Variants in NCKAP5 observed in about 807,000 individuals in gnomAD.
NCKAP5 encodes NCK associated protein 5, also known as nck-associated protein 5.
NCKAP5 carries 92 observed loss-of-function variants against 167.0 expected under a neutral mutation model. That is an observed-to-expected ratio of 0.55 (90% confidence interval 0.47 to 0.66). The LOEUF is 0.66. NCKAP5 is among the 30% of genes least tolerant of loss of function. The probability of loss-of-function intolerance (pLI) is 0.00; values close to 1 mark genes in which losing one functional copy is unlikely to be tolerated. For missense variants in NCKAP5, 2,378 were observed against 2,315.0 expected (o/e 1.03, Z -0.56); for synonymous variants, 891 against 877.4 (o/e 1.02, Z -0.27).
At chr2:133,174,395 T>G (rs1425323806) in intron 5 of NCKAP5, among the ~76,000 whole-genome samples, 5 of 152,172 alleles carry the variant, frequency 3.3e-5, no homozygotes. Flanking sequence ...AAGTTACTAT[T>G]TTCTCCTTGT....
At chr2:132,929,915 C>T (rs1249650274) in intron 8 of NCKAP5, 2 of 152,110 alleles carry the variant, frequency 1.3e-5, no homozygotes, top group South Asian at 2.1e-4. Context: ...TTCAGAGATA[C>T]GAGTCGTGGG....
At chr2:133,025,548 G>A (rs1216166950) in intron 6 of NCKAP5, among the ~76,000 whole-genome samples, 1 of 152,170 alleles carries the variant, frequency 6.6e-6, no homozygotes, top group African/African-American at 2.4e-5. Flanking sequence ...GGTGCTGTGG[G>A]TAGAAGTGAG....
At chr2:132,757,260 G>A (rs377394575) in intron 16 of NCKAP5, among the ~76,000 whole-genome samples, 3 of 152,216 alleles carry the variant, frequency 2.0e-5, no homozygotes, top group African/African-American at 4.8e-5. Flanking sequence ...ACATTCTATC[G>A]ATGGGCTGAT....
At chr2:133,241,496 G>T (rs2150299578) in intron 4 of NCKAP5, among the ~76,000 whole-genome samples, 1 of 152,264 alleles carries the variant, frequency 6.6e-6, no homozygotes, top group African/African-American at 2.4e-5. Flanking sequence ...CTAGTACTTA[G>T]CAATGAATGC....
At chr2:133,605,461 T>C in the NCKAP5 span, among the ~76,000 whole-genome samples, 65,236 of 151,880 alleles carry the variant, frequency 0.43, 14,241 homozygotes, top group East Asian at 0.63. Context: ...CTAAAGGGGA[T>C]GAAGACCCGG....
intron 3 of NCKAP5, among the ~76,000 whole-genome samples, chr2:133,435,208 G>C (rs1040852890): frequency 2.0e-5 from 3 of 152,132 alleles, no homozygotes; most frequent in African/African-American, 4.8e-5. Flanking sequence ...TCTAATGACA[G>C]ATTCACTCAT....
At chr2:133,422,977 C>A (rs1561018) in intron 3 of NCKAP5, among the ~76,000 whole-genome samples, 2 of 151,862 alleles carry the variant, frequency 1.3e-5, no homozygotes, top group South Asian at 2.1e-4. Context: ...AAGAGGCTGC[C>A]ACGGAAAGTC....
intron 3 of NCKAP5, among the ~76,000 whole-genome samples, chr2:133,429,952 G>C (rs1057255351): frequency 6.6e-6 from 1 of 152,028 alleles, no homozygotes; most frequent in African/African-American, 2.4e-5. Flanking sequence ...GTGTATAAGT[G>C]TTCCCTTTTT....
chr2:133,077,050 G>A (rs1371004793), intron 6 of NCKAP5, among the ~76,000 whole-genome samples: 1 of 152,066 alleles, frequency 6.6e-6, no homozygotes, highest in Non-Finnish European at 1.5e-5. Context: ...CCACAAATCT[G>A]GTACTAACTT....
chr2:133,050,229 C>T (rs2079554237), intron 6 of NCKAP5, among the ~76,000 whole-genome samples: 1 of 152,106 alleles, frequency 6.6e-6, no homozygotes, highest in African/African-American at 2.4e-5. Flanking sequence ...TTGGCATAGT[C>T]TTAGTTACAA....
At chr2:133,246,308 A>C (rs1287827104) in intron 4 of NCKAP5, among the ~76,000 whole-genome samples, 1 of 152,218 alleles carries the variant, frequency 6.6e-6, no homozygotes, top group Non-Finnish European at 1.5e-5. Context: ...GACATGAAAA[A>C]AAGCTTGTTA....
At chr2:132,975,354 C>A (rs1391821126) in intron 7 of NCKAP5, among the ~76,000 whole-genome samples, 1 of 152,208 alleles carries the variant, frequency 6.6e-6, no homozygotes, top group East Asian at 1.9e-4. Context: ...ACTGACATAT[C>A]AATCCACATC....
the NCKAP5 span, among the ~76,000 whole-genome samples, chr2:133,671,433 G>A: frequency 6.6e-6 from 1 of 152,066 alleles, no homozygotes; most frequent in Non-Finnish European, 1.5e-5. Flanking sequence ...TGAAGGTTCT[G>A]CCCTCATAAA....
chr2:133,369,499 T>G (rs1426701733), intron 3 of NCKAP5, among the ~76,000 whole-genome samples: 1 of 152,234 alleles, frequency 6.6e-6, no homozygotes, highest in Non-Finnish European at 1.5e-5. Flanking sequence ...AAGTTATAAC[T>G]GTTTAGCCAT....
the NCKAP5 span, among the ~76,000 whole-genome samples, chr2:133,617,012 A>C: frequency 3.3e-5 from 5 of 152,226 alleles, no homozygotes; most frequent in Non-Finnish European, 5.9e-5. Flanking sequence ...GGAAATCAAT[A>C]AATGTAATCC....
intron 19 of NCKAP5, among the ~76,000 whole-genome samples, chr2:132,694,810 A>G (rs1427413428): frequency 6.6e-6 from 1 of 152,208 alleles, no homozygotes; most frequent in Non-Finnish European, 1.5e-5. Context: ...GTGTCACAAA[A>G]GTTAGGTTAG....
chr2:133,521,415 T>A (rs1684464119), intron 2 of NCKAP5, among the ~76,000 whole-genome samples: 1 of 152,278 alleles, frequency 6.6e-6, no homozygotes, highest in Non-Finnish European at 1.5e-5. Context: ...CAGTTTGACA[T>A]CTTACTCTTT....
Position 132,717,220 on chromosome 2 carries a change from C to T in NCKAP5, c.5713+8407G>A, listed in dbSNP as rs188960397. On this transcript the variant is annotated intron_variant, in intron 19 of 19. Transcript: ENST00000409261. Reference sequence around the variant, plus strand: ...ACTGCGCATGTCCATCCACTTCGAGCTGGGATGGGCCTGTTAAAAATAAAG... The same window carrying T: ...ACTGCGCATGTCCATCCACTTCGAGTTGGGATGGGCCTGTTAAAAATAAAG... 1.2e-3 allele frequency among the ~76,000 whole-genome samples: 183 copies of T among 152,256 alleles called. 1 individual carries two copies. Among genetic ancestry groups the T allele is most frequent in the African/African-American group, 4.2e-3 (173 of 41,546 alleles).
chr2:133,028,031 T>C (rs927814423), intron 6 of NCKAP5, among the ~76,000 whole-genome samples: 2 of 152,210 alleles, frequency 1.3e-5, no homozygotes, highest in South Asian at 4.1e-4. Context: ...GAAATGCTCA[T>C]TGGAGTATTT....
Sources: gnomAD v4.1 joint callset for allele counts (sites outside exome capture counted in the v4.1 genomes callset) on GRCh38, gnomAD v4.1.1 for gene constraint, MANE v1.5 for transcripts, NCBI Gene and HGNC (gene_info 2026-07-23, HGNC 2026-07-21) for gene names.